The following CSMD1 variants were observed in gnomAD, a reference collection of about 807,000 sequenced individuals.
CSMD1 encodes CUB and Sushi multiple domains 1.
Under a neutral mutation model 417.5 loss-of-function variants are expected in CSMD1, and 213 were observed. The ratio of observed to expected loss-of-function variants is 0.51; its 90% confidence interval spans 0.46 to 0.57. The LOEUF (loss-of-function observed/expected upper bound fraction) is 0.57, where lower values mean the gene tolerates loss of function less well. Among genes scored for constraint, CSMD1 ranks in the 20% least tolerant of loss-of-function variants. CSMD1 has a pLI of 0.00. For synonymous variants in CSMD1, 2,862 were observed against 1,736.8 expected, an observed-to-expected ratio of 1.65 and a Z score of -16.11; for missense variants, 6,923 against 4,529.7, an observed-to-expected ratio of 1.53 and a Z score of -15.17.
chr8:3,648,206 C>T (rs1797672315), intron 7 of CSMD1, among the ~76,000 whole-genome samples: 1 of 152,240 alleles, frequency 6.6e-6, no homozygotes, highest in Non-Finnish European at 1.5e-5. Context: ...TTACTCTTCT[C>T]ACCATATACT....
intron 1 of CSMD1, among the ~76,000 whole-genome samples, chr8:4,706,912 G>C (rs958823733): frequency 2.6e-5 from 4 of 152,194 alleles, no homozygotes; most frequent in Non-Finnish European, 5.9e-5. Context: ...AAAAGCTTCT[G>C]ATTCATGAAA....
chr8:4,204,167 G>A (rs913746964), intron 3 of CSMD1, among the ~76,000 whole-genome samples: 3 of 151,990 alleles, frequency 2.0e-5, no homozygotes, highest in African/African-American at 7.3e-5. Context: ...TTCATTGACT[G>A]TGCCCATGTG....
chr8:4,021,645 C>A (rs887993531), intron 4 of CSMD1, among the ~76,000 whole-genome samples: 4 of 152,160 alleles, frequency 2.6e-5, no homozygotes, highest in African/African-American at 9.7e-5. Context: ...AACTCTCTCT[C>A]CCCATCCCTT....
intron 40 of CSMD1, among the ~76,000 whole-genome samples, chr8:3,148,385 G>T (rs1818978053): frequency 6.6e-6 from 1 of 152,164 alleles, no homozygotes; most frequent in Non-Finnish European, 1.5e-5. Context: ...AATAAGGCAA[G>T]GTTCAGAGAA....
rs184968759 is a variant in CSMD1 at position 3,673,362 on chromosome 8, T to A, written c.1009+35052A>T. Among the ~76,000 whole-genome samples the A allele has an allele frequency of 1.2e-4, 19 of 152,322 alleles. No individual in the cohort carries two copies. In the East Asian group the frequency reaches 2.7e-3, roughly 22 times the overall value. On this transcript the variant is annotated intron_variant, in intron 7 of 69. Transcript: ENST00000635120. ...GAACAAAAGAATTGCAATTTCATGATTCAGTATTGGAAAATTAGCAAGAAT... is the reference window on the plus strand; with the variant it reads ...GAACAAAAGAATTGCAATTTCATGAATCAGTATTGGAAAATTAGCAAGAAT...
At chr8:4,334,356 G>A (rs1392080687) in intron 3 of CSMD1, among the ~76,000 whole-genome samples, 7 of 152,150 alleles carry the variant, frequency 4.6e-5, no homozygotes, top group Non-Finnish European at 1.0e-4. Flanking sequence ...AATAAAGCAG[G>A]TGACCCTCCC....
chr8:4,057,336 G>T (rs1798747897), intron 3 of CSMD1, among the ~76,000 whole-genome samples: 1 of 152,126 alleles, frequency 6.6e-6, no homozygotes, highest in Non-Finnish European at 1.5e-5. Flanking sequence ...GTCTTCTTTT[G>T]AGAAGTGTCT....
chr8:4,609,022 A>AAC (rs974882014), intron 2 of CSMD1, among the ~76,000 whole-genome samples: 6 of 152,084 alleles, frequency 3.9e-5, no homozygotes, highest in African/African-American at 1.4e-4. Flanking sequence ...GAAAAAAAAA[A>AAC]AAAAAACATG....
In CSMD1 at chr8:3,697,359, G is replaced by C. The variant is rs74663704; in HGVS notation, c.1009+11055C>G. ...AAATAAAACCAGGCTTAAGAGATAT[G>C]TACTTTTTCTGAATTCCCTTTGATC... is the stretch of plus-strand genomic sequence containing the variant. On this transcript the variant is annotated intron_variant, in intron 7 of 69. Coordinates refer to ENST00000635120, the MANE Select transcript of CSMD1 (RefSeq NM_033225.6). 5.3e-5 allele frequency among the ~76,000 whole-genome samples: 8 copies of C among 152,216 alleles called. No homozygotes were observed. In the East Asian group the frequency reaches 1.2e-3, roughly 22 times the overall value.
intron 5 of CSMD1, among the ~76,000 whole-genome samples, chr8:3,834,012 T>A (rs993189859): frequency 6.6e-6 from 1 of 152,160 alleles, no homozygotes; most frequent in African/African-American, 2.4e-5. Flanking sequence ...GAATTAAGGA[T>A]TTAAATATTT....
intron 25 of CSMD1, among the ~76,000 whole-genome samples, chr8:3,301,562 G>C (rs1804408948): frequency 6.6e-6 from 1 of 152,174 alleles, no homozygotes; most frequent in Non-Finnish European, 1.5e-5. Flanking sequence ...GAAGAAACTG[G>C]AGGTGAGTCA....
chr8:4,111,719 T>C (rs1801866172), intron 3 of CSMD1, among the ~76,000 whole-genome samples: 1 of 151,952 alleles, frequency 6.6e-6, no homozygotes, highest in African/African-American at 2.4e-5. Context: ...AGCTGAACAG[T>C]AGGAACACAT....
intron 1 of CSMD1, among the ~76,000 whole-genome samples, chr8:4,864,892 A>ACACACACT (rs1438208905): frequency 6.7e-6 from 1 of 150,086 alleles, no homozygotes; most frequent in East Asian, 1.9e-4. Flanking sequence ...ACACACACAC[A>ACACACACT]CACAAACACA....
chr8:4,442,671 C>A (rs933368997), intron 2 of CSMD1, among the ~76,000 whole-genome samples: 1 of 152,150 alleles, frequency 6.6e-6, no homozygotes, highest in African/African-American at 2.4e-5. Context: ...CATTGACTTT[C>A]CCTTATTCAA....
chr8:3,866,171 A>G (rs1233016331), intron 5 of CSMD1, among the ~76,000 whole-genome samples: 2 of 152,344 alleles, frequency 1.3e-5, no homozygotes, highest in South Asian at 2.1e-4. Context: ...TTAATTCACA[A>G]CTACATACAC....
intron 3 of CSMD1, among the ~76,000 whole-genome samples, chr8:4,039,225 C>T (rs533093750): frequency 1.2e-4 from 19 of 152,142 alleles, no homozygotes; most frequent in Non-Finnish European, 2.1e-4. Context: ...CATTTCTCTA[C>T]ACTTTGCCTC....
intron 5 of CSMD1, among the ~76,000 whole-genome samples, chr8:3,856,817 G>C (rs375314498): frequency 2.0e-5 from 3 of 152,072 alleles, no homozygotes; most frequent in Admixed American, 1.3e-4. Context: ...CTCAGGCTGG[G>C]GCCCAAAGTT....
chr8:4,883,041 C>T (rs568938870), intron 1 of CSMD1, among the ~76,000 whole-genome samples: 6 of 152,124 alleles, frequency 3.9e-5, no homozygotes, highest in South Asian at 4.2e-4. Context: ...CCAATAACAT[C>T]GTTAGAGTGC....
In CSMD1 at chr8:3,179,534, T is replaced by C. The variant is rs141490089; in HGVS notation, c.5725+1576A>G. On this transcript the variant is annotated intron_variant, in intron 37 of 69. Transcript: ENST00000635120. The stretch of plus-strand genomic sequence containing the variant: ...ATAAAGAGAAATGTAGATAATTATA[T>C]TGATGGGGCTGAAGCCCAGGTAAGT... 1.0e-3 allele frequency among the ~76,000 whole-genome samples: 156 copies of C among 152,302 alleles called. 1 individual carries two copies. Among genetic ancestry groups the C allele is most frequent in the South Asian group, 7.0e-3 (34 of 4,832 alleles).
Sources: gnomAD v4.1 joint callset for allele counts (sites outside exome capture counted in the v4.1 genomes callset) on GRCh38, gnomAD v4.1.1 for gene constraint, MANE v1.5 for transcripts, NCBI Gene and HGNC (gene_info 2026-07-23, HGNC 2026-07-21) for gene names.